Variants in PHF14 observed in about 807,000 individuals in gnomAD.
The protein encoded by PHF14 is PHD finger protein 14.
In PHF14, 55 loss-of-function variants were observed where a neutral mutation model predicts 117.9. The ratio of observed to expected loss-of-function variants is 0.47; its 90% CI spans 0.38 to 0.58. The LOEUF (loss-of-function observed/expected upper bound fraction) is 0.58. Ranked by LOEUF, PHF14 falls within the 20% of genes least tolerant of loss-of-function variation. The pLI is 0.00. For synonymous variants in PHF14, 409 were observed against 368.6 expected (o/e 1.11, Z -1.26); for missense variants, 978 against 1,122.2 (o/e 0.87, Z 1.84).
At chr7:11,145,743 A>G (rs889745861) in intron 17 of PHF14, among the ~76,000 whole-genome samples, 1 of 152,134 alleles carries the variant, frequency 6.6e-6, no homozygotes, top group African/African-American at 2.4e-5. Flanking sequence ...AGTAACATGC[A>G]TTATAGATAC....
At chr7:11,109,572 T>A (rs1787375262) in intron 16 of PHF14, 1 of 151,870 alleles carries the variant, frequency 6.6e-6, no homozygotes, top group Admixed American at 6.6e-5. Context: ...CTTTGAAGGT[T>A]TCTATATCCA....
At position 10,990,564 on chromosome 7, in the gene PHF14, AG is replaced by A. The variant is rs3834728; in HGVS notation, c.901-138del. The A allele has an allele frequency of 0.012, 6,902 of 577,822 alleles. 328 individuals are homozygous for A. In the East Asian group the frequency reaches 0.12, roughly 10 times the overall value. 35.8% of individuals were successfully genotyped at this position (577,822 alleles called of 1,614,324 possible). On this transcript the variant is annotated intron_variant, in intron 3 of 17. Coordinates refer to ENST00000634607, the MANE Select transcript of PHF14 (RefSeq NM_001007157.2). ...ATTTCTCAAATATAATGTACTTTGA[AG>A]TTAATAAAAGAATGGAAAATGGGGC...
At position 11,102,739 on chromosome 7, in the gene PHF14, AT is replaced by A. The variant is rs1041392587; in HGVS notation, c.2655-8603del. 18 of 1,371,902 alleles carry A rather than the reference AT, an allele frequency of 1.3e-5. No homozygotes were observed. In the South Asian group the frequency reaches 2.0e-4, roughly 15 times the overall value. 85.0% of individuals were successfully genotyped at this position (1,371,902 alleles called of 1,614,324 possible). A position where few individuals can be genotyped will look rare whatever the true frequency, so the allele number is the denominator to read the frequency against. ...AAGGCAGTAGATTTGCCTGTGTGGA[AT>A]TTTTTTTCCTATTTTTCTTCTTTTT... On this transcript the variant is annotated intron_variant, in intron 16 of 17. Transcript: ENST00000634607.
intron 17 of PHF14, among the ~76,000 whole-genome samples, chr7:11,166,112 G>A (rs1370847456): frequency 1.3e-5 from 2 of 152,168 alleles, no homozygotes; most frequent in Admixed American, 6.6e-5. Context: ...GTTATAGTCA[G>A]TGTATTTTTT....
chr7:10,997,212 C>G (rs552801329), intron 4 of PHF14, among the ~76,000 whole-genome samples: 1 of 151,980 alleles, frequency 6.6e-6, no homozygotes, highest in Admixed American at 6.6e-5. Flanking sequence ...GTTTAATATC[C>G]TCAAGCAGAG....
At chr7:11,046,119 C>T (rs1403729397) in intron 13 of PHF14, among the ~76,000 whole-genome samples, 2 of 151,838 alleles carry the variant, frequency 1.3e-5, no homozygotes, top group African/African-American at 4.8e-5. Flanking sequence ...TTTGTTTGTA[C>T]CTCTTTCTAG....
At position 10,982,962 on chromosome 7, in the gene PHF14, G is replaced by C. The variant is rs1166378479; in HGVS notation, c.703G>C (p.Asp235His). 3 of 1,594,028 alleles carry C rather than the reference G, an allele frequency of 1.9e-6. No homozygotes were observed. In the Admixed American group the frequency reaches 5.4e-5, roughly 29 times the overall value. Residue 235 changes from aspartate to histidine, a missense_variant, in exon 3 of 18, where the codon GAC becomes CAC. Coordinates refer to ENST00000634607, the MANE Select transcript of PHF14 (RefSeq NM_001007157.2). ...GTCTCAGAAAGAGGGAAGTGATGGA[G>C]ACAATGAGGATGATGAAGATGAGGG... Reference protein sequence around the residue: ...SASQKEGSDGDNEDDEDEGSG... With the variant: ...SASQKEGSDGHNEDDEDEGSG...
chr7:10,974,790 T>C (rs1345261386), intron 1 of PHF14, 45 bp from the exon 2 acceptor site: 2 of 959,084 alleles, frequency 2.1e-6, no homozygotes, highest in African/African-American at 3.3e-5. Flanking sequence ...CTCCCCTGTG[T>C]TTGGTGTGAT....
At chr7:11,144,137 C>T (rs1312433629) in intron 17 of PHF14, among the ~76,000 whole-genome samples, 1 of 152,002 alleles carries the variant, frequency 6.6e-6, no homozygotes, top group Non-Finnish European at 1.5e-5. Flanking sequence ...CGCTAATCAT[C>T]AGGGAATTGC....
chr7:11,161,668 C>CTAAATAAAAGTATTATATTTTATT (rs1789029482), intron 17 of PHF14, among the ~76,000 whole-genome samples: 1 of 103,538 alleles, frequency 9.7e-6, no homozygotes, highest in Admixed American at 9.1e-5. Context: ...GGTAAAAACT[C>CTAAATAAAAGTATTATATTTTATT]TAAATAAAAA....
chr7:11,026,476 T>G (rs1783914735), intron 6 of PHF14, among the ~76,000 whole-genome samples: 1 of 152,196 alleles, frequency 6.6e-6, no homozygotes, highest in Non-Finnish European at 1.5e-5. Context: ...GCTTGTAAAT[T>G]TAACAGAGGT....
intron 10 of PHF14, among the ~76,000 whole-genome samples, chr7:11,038,475 T>TCACC (rs1260547116): frequency 1.4e-5 from 2 of 147,088 alleles, no homozygotes; most frequent in Non-Finnish European, 3.0e-5. Context: ...CTGGCCAACA[T>TCACC]GGTGAAACCC....
chr7:11,035,428 A>G (rs1438441427), intron 7 of PHF14, among the ~76,000 whole-genome samples: 1 of 152,172 alleles, frequency 6.6e-6, no homozygotes, highest in Non-Finnish European at 1.5e-5. Context: ...CTTTAAAGAA[A>G]AACGTTGTTG....
intron 17 of PHF14, among the ~76,000 whole-genome samples, chr7:11,117,241 G>A (rs192065504): frequency 6.6e-6 from 1 of 151,982 alleles, no homozygotes; most frequent in African/African-American, 2.4e-5. Flanking sequence ...AGAAGCCATG[G>A]AGTATACATG....
chr7:11,084,726 C>T (rs1272519827), intron 16 of PHF14, among the ~76,000 whole-genome samples: 3 of 151,998 alleles, frequency 2.0e-5, no homozygotes, highest in South Asian at 2.1e-4. Context: ...TATCTTGTTA[C>T]CCACTGGACA....
At chr7:11,114,930 G>A (rs1787555607) in intron 17 of PHF14, among the ~76,000 whole-genome samples, 1 of 151,688 alleles carries the variant, frequency 6.6e-6, no homozygotes, top group African/African-American at 2.4e-5. Flanking sequence ...TTTTTTTCTT[G>A]CCCTTTACTG....
At chr7:11,106,903 C>G in intron 16 of PHF14, 1 of 981,436 alleles carries the variant, frequency 1.0e-6, no homozygotes, top group Non-Finnish European at 1.2e-6. Context: ...ATAGGGGCTA[C>G]AAGTAAAATG....
intron 17 of PHF14, among the ~76,000 whole-genome samples, chr7:11,158,227 T>A (rs1268806514): frequency 1.3e-5 from 2 of 152,162 alleles, no homozygotes; most frequent in Admixed American, 1.3e-4. Flanking sequence ...TCTCTTCCAG[T>A]CTGTGGCAAT....
At chr7:11,002,101 G>A (rs761871984) in intron 4 of PHF14, among the ~76,000 whole-genome samples, 8 of 151,894 alleles carry the variant, frequency 5.3e-5, no homozygotes, top group African/African-American at 1.9e-4. Context: ...CTGGAGTGCA[G>A]TGGCGCAATT....
Sources: allele counts gnomAD v4.1 joint callset (sites outside exome capture counted in the v4.1 genomes callset), GRCh38; gene constraint gnomAD v4.1.1; transcripts MANE v1.5; gene names NCBI Gene and HGNC (gene_info 2026-07-23, HGNC 2026-07-21).